Variants in TDRD7 observed in about 807,000 individuals in gnomAD.
The protein encoded by TDRD7 is tudor domain containing 7.
A neutral mutation model predicts 109.8 loss-of-function variants in TDRD7; 47 were observed. The observed-to-expected ratio is 0.43, with a 90% CI of 0.34 to 0.55. The LOEUF is 0.55. Ranked by LOEUF, TDRD7 falls within the 20% of genes least tolerant of loss-of-function variation. The pLI is 0.03. For synonymous variants in TDRD7, 424 were observed against 457.3 expected (o/e 0.93, Z 0.93); for missense variants, 1,164 against 1,319.2 (o/e 0.88, Z 1.82).
intron 9 of TDRD7, among the ~76,000 whole-genome samples, chr9:97,472,013 G>T (rs2131163864): frequency 6.6e-6 from 1 of 152,250 alleles, no homozygotes; most frequent in South Asian, 2.1e-4. Flanking sequence ...ATAAAGTGAA[G>T]ACTGTTTCTC....
intron 6 of TDRD7, among the ~76,000 whole-genome samples, chr9:97,457,260 G>A (rs1828632974): frequency 6.6e-6 from 1 of 152,074 alleles, no homozygotes; most frequent in South Asian, 2.1e-4. Flanking sequence ...ACAGTATGGC[G>A]ACAATTCCTC....
intron 1 of TDRD7, among the ~76,000 whole-genome samples, chr9:97,421,750 G>A (rs967510157): frequency 7.0e-6 from 1 of 142,996 alleles, no homozygotes; most frequent in Non-Finnish European, 1.5e-5. Flanking sequence ...GTGTGAAGAC[G>A]GAGTCTCACT....
intron 8 of TDRD7, among the ~76,000 whole-genome samples, chr9:97,468,612 T>G (rs570026857): frequency 2.6e-5 from 4 of 152,332 alleles, no homozygotes; most frequent in African/African-American, 9.6e-5. Context: ...GAACTTTGTC[T>G]GGTGGTAAGT....
intron 2 of TDRD7, among the ~76,000 whole-genome samples, chr9:97,429,741 T>C (rs1828068279): frequency 6.6e-6 from 1 of 152,186 alleles, no homozygotes; most frequent in Non-Finnish European, 1.5e-5. Context: ...CTTGACACAA[T>C]GTTTTCTGTT....
intron 6 of TDRD7, among the ~76,000 whole-genome samples, chr9:97,443,038 T>A (rs1828338702): frequency 6.6e-6 from 1 of 152,154 alleles, no homozygotes; most frequent in Admixed American, 6.5e-5. Context: ...CCTCAGGTGA[T>A]CCGCCCACCT....
At chr9:97,478,717 A>G in intron 13 of TDRD7, 144 bp downstream of exon 13, 1 of 1,159,304 alleles carries the variant, frequency 8.6e-7, no homozygotes. Context: ...GCTGGTTTTC[A>G]GAAGTAAAAC....
chr9:97,467,563 C>T (rs190866469), intron 8 of TDRD7, among the ~76,000 whole-genome samples: 4 of 152,312 alleles, frequency 2.6e-5, no homozygotes, highest in Admixed American at 1.3e-4. Flanking sequence ...TCCTTCTTCT[C>T]AAGAAGCTTA....
At chr9:97,463,381 T>G (rs1357156587) in intron 7 of TDRD7, among the ~76,000 whole-genome samples, 4 of 140,362 alleles carry the variant, frequency 2.8e-5, no homozygotes, top group African/African-American at 5.4e-5. Flanking sequence ...CTGAGTTTTG[T>G]TTTTTTTTTT....
intron 10 of TDRD7, 128 bp downstream of exon 10, chr9:97,472,623 G>A (rs1828941545): frequency 1.2e-6 from 1 of 837,470 alleles, no homozygotes; most frequent in Non-Finnish European, 2.0e-6. Context: ...GAAAAAAGGA[G>A]GGAGTGGGGC....
At chr9:97,452,878 G>C (rs1347246662) in intron 6 of TDRD7, among the ~76,000 whole-genome samples, 7 of 152,186 alleles carry the variant, frequency 4.6e-5, no homozygotes, top group Non-Finnish European at 1.0e-4. Flanking sequence ...ACTTGTGCTG[G>C]TCATGTCAGA....
chr9:97,426,379 G>C (rs1371205183), intron 1 of TDRD7, among the ~76,000 whole-genome samples: 1 of 152,034 alleles, frequency 6.6e-6, no homozygotes, highest in Non-Finnish European at 1.5e-5. Flanking sequence ...AGCCTCCTGA[G>C]TAGCTGGGAC....
intron 6 of TDRD7, among the ~76,000 whole-genome samples, chr9:97,455,799 A>C (rs764454990): frequency 6.6e-6 from 1 of 152,220 alleles, no homozygotes; most frequent in African/African-American, 2.4e-5. Context: ...CTCCTATTCA[A>C]CATAGTGTTG....
At chr9:97,445,113 G>A (rs1476813429) in intron 6 of TDRD7, among the ~76,000 whole-genome samples, 1 of 152,204 alleles carries the variant, frequency 6.6e-6, no homozygotes, top group Non-Finnish European at 1.5e-5. Flanking sequence ...TGTGAGGGAA[G>A]TGGAAATTGT....
chr9:97,466,702 A>G (rs1828827237), intron 8 of TDRD7, among the ~76,000 whole-genome samples: 1 of 152,224 alleles, frequency 6.6e-6, no homozygotes, highest in Admixed American at 6.5e-5. Flanking sequence ...CAAGAGAGTA[A>G]TGTATAATTT....
At chr9:97,418,040 G>T (rs1220942478) in intron 1 of TDRD7, among the ~76,000 whole-genome samples, 1 of 152,152 alleles carries the variant, frequency 6.6e-6, no homozygotes, top group Non-Finnish European at 1.5e-5. Flanking sequence ...CAGGAGAATT[G>T]CTTCAACCTA....
rs1244031944 is a variant in TDRD7, at chr9:97,472,437, A to G, written c.1886A>G (p.Asn629Ser). The change falls in exon 10 of 17, where the codon AAT becomes AGT. Residue 629 changes from asparagine to serine, a missense_variant. This residue lies in a region of TDRD7 where 261 missense variants were observed against 336.2 expected (regional missense o/e 0.78). Transcript: ENST00000355295. The stretch of plus-strand genomic sequence containing the variant: ...GATACCTCAGGAGAAGATGATATCA[A>G]TATCAATGCCACCTGCTTGAAGGCT... ...LYDTSGEDDININATCLKAIC... is the reference protein window; with the variant it reads ...LYDTSGEDDISINATCLKAIC... The G allele has an allele frequency of 6.2e-7, 1 of 1,613,984 alleles. No homozygotes were observed. The highest frequency in any genetic ancestry group is 1.7e-5 in the Admixed American group (1 of 60,012).
At chr9:97,468,242 G>A (rs1031172004) in intron 8 of TDRD7, among the ~76,000 whole-genome samples, 3 of 152,182 alleles carry the variant, frequency 2.0e-5, no homozygotes, top group Non-Finnish European at 2.9e-5. Flanking sequence ...AGGGGCCTGG[G>A]CCCAGGTCCT....
At chr9:97,483,990 C>T (rs1271538936) in intron 15 of TDRD7, among the ~76,000 whole-genome samples, 1 of 152,026 alleles carries the variant, frequency 6.6e-6, no homozygotes, top group Non-Finnish European at 1.5e-5. Flanking sequence ...AAGGTTTTCT[C>T]TCCTGTATTT....
chr9:97,432,982 A>G (rs1037668669), intron 4 of TDRD7, among the ~76,000 whole-genome samples: 1 of 152,210 alleles, frequency 6.6e-6, no homozygotes, highest in African/African-American at 2.4e-5. Flanking sequence ...GTAGTTGTAC[A>G]GAGACTAGAT....
Sources: gnomAD v4.1 joint callset for allele counts (sites outside exome capture counted in the v4.1 genomes callset) on GRCh38, gnomAD v4.1.1 for gene constraint, gnomAD v4.1.1 regional missense constraint, MANE v1.5 for transcripts, NCBI Gene and HGNC (gene_info 2026-07-23, HGNC 2026-07-21) for gene names.